The following HIVEP3 variants were observed in gnomAD, a reference collection of about 807,000 sequenced individuals.
The protein encoded by HIVEP3 is transcription factor HIVEP3.
HIVEP3 carries 49 observed loss-of-function variants against 152.8 expected under a neutral mutation model. The observed-to-expected ratio is 0.32, with a 90% CI of 0.26 to 0.41. The LOEUF is 0.41. Among genes scored for constraint, HIVEP3 ranks in the 10% least tolerant of loss-of-function variants. HIVEP3 has a pLI of 1.00. For synonymous variants in HIVEP3, 1,269 were observed against 1,289.0 expected, an observed-to-expected ratio of 0.98 and a Z score of 0.33; for missense variants, 2,790 against 3,103.3, an observed-to-expected ratio of 0.90 and a Z score of 2.40.
intron 3 of HIVEP3, among the ~76,000 whole-genome samples, chr1:41,603,035 C>T (rs1644768906): frequency 6.6e-6 from 1 of 151,838 alleles, no homozygotes; most frequent in African/African-American, 2.4e-5. Flanking sequence ...TTTCCTTCTG[C>T]TGTTGATTTC....
chr1:41,734,486 T>A (rs1244809120), intron 1 of HIVEP3, among the ~76,000 whole-genome samples: 1 of 152,220 alleles, frequency 6.6e-6, no homozygotes, highest in African/African-American at 2.4e-5. Context: ...ACATAGTCAA[T>A]GGCCACTAAG....
At chr1:41,592,990 G>T (rs1327167107) in intron 3 of HIVEP3, among the ~76,000 whole-genome samples, 1 of 152,080 alleles carries the variant, frequency 6.6e-6, no homozygotes, top group African/African-American at 2.4e-5. Flanking sequence ...CCTGTCCCCA[G>T]CCATGTCATC....
Position 41,533,185 on chromosome 1 carries a change from G to A in HIVEP3, c.5208-8275C>T, listed in dbSNP as rs2149064100. ...GGACCGAGGCTTGTCCAGCTTTGAG[G>A]TTCCCAGAGGGTCCAGCCAGGGACA... On this transcript the variant is annotated intron_variant, in intron 5 of 8. Coordinates refer to ENST00000372583, the MANE Select transcript of HIVEP3 (RefSeq NM_024503.5). The surrounding 1 kb of genome is among the most constrained non-coding windows in gnomAD (Gnocchi z 4.3). Among the ~76,000 whole-genome samples the A allele has an allele frequency of 6.6e-6, 1 of 152,222 alleles. No individual in the cohort carries two copies. The highest frequency in any genetic ancestry group is 2.1e-4 in the South Asian group (1 of 4,828).
intron 5 of HIVEP3, among the ~76,000 whole-genome samples, chr1:41,545,207 T>C (rs1461547132): frequency 4.4e-3 from 152 of 34,614 alleles, no homozygotes; most frequent in Middle Eastern, 0.024. Flanking sequence ...CCACCACCAC[T>C]ATCGCCACCA....
chr1:42,003,946 A>G (rs1645443748), intron 1 of HIVEP3, among the ~76,000 whole-genome samples: 1 of 152,222 alleles, frequency 6.6e-6, no homozygotes, highest in Non-Finnish European at 1.5e-5. Context: ...CACCAAAAAA[A>G]GGAACAAATC....
chr1:41,823,202 C>T (rs751676395), intron 1 of HIVEP3, among the ~76,000 whole-genome samples: 1 of 152,222 alleles, frequency 6.6e-6, no homozygotes, highest in Non-Finnish European at 1.5e-5. Context: ...ACCATGCCAG[C>T]GCCTTGGTCT....
chr1:41,599,527 C>T (rs898220867), intron 3 of HIVEP3, among the ~76,000 whole-genome samples: 4 of 152,018 alleles, frequency 2.6e-5, no homozygotes, highest in African/African-American at 9.7e-5. Context: ...AAAACAAATT[C>T]CTAAAAATGA....
rs189381242 is a variant in HIVEP3, at chr1:41,653,215, C to T, written c.-720-24268G>A. Among the ~76,000 whole-genome samples the T allele has an allele frequency of 1.1e-3, 165 of 149,986 alleles. 2 individuals carry two copies. Among genetic ancestry groups the T allele is most frequent in the East Asian group, 0.01 (52 of 5,132 alleles). On this transcript the variant is annotated intron_variant, in intron 2 of 8. Coordinates refer to ENST00000372583, the MANE Select transcript of HIVEP3 (RefSeq NM_024503.5). ...TTCTGTATGTGTCTAAATGTGTGTG[C>T]GTGTGTGTGTGTGTGTATGTACATA...
intron 1 of HIVEP3, among the ~76,000 whole-genome samples, chr1:41,970,323 G>T (rs1362261020): frequency 6.6e-6 from 1 of 152,204 alleles, no homozygotes; most frequent in African/African-American, 2.4e-5. Context: ...TAAAGAAAAT[G>T]TGGTGCATAT....
At chr1:41,788,606 A>G (rs996831414) in intron 1 of HIVEP3, among the ~76,000 whole-genome samples, 1 of 152,188 alleles carries the variant, frequency 6.6e-6, no homozygotes, top group Non-Finnish European at 1.5e-5. Flanking sequence ...CAGGTTAGGC[A>G]CAGGCATCCT....
At chr1:41,837,912 A>G (rs151311475) in intron 1 of HIVEP3, among the ~76,000 whole-genome samples, 11 of 152,204 alleles carry the variant, frequency 7.2e-5, no homozygotes, top group African/African-American at 2.6e-4. Flanking sequence ...CAACAATCTC[A>G]GGAAGGTGGT....
intron 2 of HIVEP3, among the ~76,000 whole-genome samples, chr1:41,676,617 G>A (rs150143634): frequency 2.0e-5 from 3 of 152,302 alleles, no homozygotes; most frequent in African/African-American, 7.2e-5. Flanking sequence ...ATCCATCTCA[G>A]GGTAATGCAC....
intron 1 of HIVEP3, among the ~76,000 whole-genome samples, chr1:41,969,783 G>A (rs1359969321): frequency 6.6e-6 from 1 of 152,154 alleles, no homozygotes; most frequent in African/African-American, 2.4e-5. Flanking sequence ...TCTAAAGAAT[G>A]GGAGAAAAAT....
At chr1:41,695,868 A>G (rs1447060074) in intron 2 of HIVEP3, among the ~76,000 whole-genome samples, 2 of 152,214 alleles carry the variant, frequency 1.3e-5, no homozygotes, top group Non-Finnish European at 2.9e-5. Context: ...ATCACAGCAG[A>G]TGGCTATGGG....
intron 1 of HIVEP3, among the ~76,000 whole-genome samples, chr1:41,807,883 TG>T (rs1650728955): frequency 1.3e-5 from 2 of 151,972 alleles, no homozygotes; most frequent in Admixed American, 1.3e-4. Flanking sequence ...GTAGTCATGA[TG>T]GGGGGCAGGG....
At chr1:41,738,929 G>GCGCCAT (rs1646956648) in intron 1 of HIVEP3, among the ~76,000 whole-genome samples, 1 of 152,206 alleles carries the variant, frequency 6.6e-6, no homozygotes, top group Non-Finnish European at 1.5e-5. Flanking sequence ...TTCTCCGTTG[G>GCGCCAT]TAATGAACCA....
chr1:41,560,362 G>A (rs984801354), intron 5 of HIVEP3, among the ~76,000 whole-genome samples: 2 of 152,158 alleles, frequency 1.3e-5, no homozygotes, highest in South Asian at 4.1e-4. Context: ...GTGCTCAGAG[G>A]GCAGGTCTTC....
chr1:41,939,161 T>C (rs1014903792), intron 1 of HIVEP3, among the ~76,000 whole-genome samples: 2 of 152,228 alleles, frequency 1.3e-5, no homozygotes, highest in Admixed American at 1.3e-4. Flanking sequence ...TTTTGTTTTA[T>C]TGTGATATAT....
chr1:41,942,035 A>G (rs552648326), intron 1 of HIVEP3, among the ~76,000 whole-genome samples: 23 of 152,330 alleles, frequency 1.5e-4, no homozygotes, highest in Middle Eastern at 6.8e-3. Flanking sequence ...AAAATAATAG[A>G]AAAAGGGAGG....
Sources: allele counts gnomAD v4.1 joint callset (sites outside exome capture counted in the v4.1 genomes callset), GRCh38; gene constraint gnomAD v4.1.1; non-coding constraint Gnocchi (gnomAD v3.1); transcripts MANE v1.5; gene names NCBI Gene and HGNC (gene_info 2026-07-23, HGNC 2026-07-21).